Variants in HIKESHI observed in about 807,000 individuals in gnomAD.
The protein encoded by HIKESHI is heat shock protein nuclear import factor hikeshi.
HIKESHI carries 13 observed loss-of-function variants against 25.7 expected under a neutral mutation model. That is an observed-to-expected ratio of 0.51 (90% CI 0.33 to 0.80). The LOEUF (loss-of-function observed/expected upper bound fraction) is 0.80, where lower values mean the gene tolerates loss of function less well. Ranked by LOEUF, HIKESHI falls within the 30% of genes least tolerant of loss-of-function variation. HIKESHI has a pLI of 0.02. For missense variants in HIKESHI, 174 were observed against 229.5 expected (o/e 0.76, Z 1.56); for synonymous variants, 76 against 78.7 (o/e 0.97, Z 0.18).
chr11:86,335,169 A>G (rs1947520199), intron 2 of HIKESHI, among the ~76,000 whole-genome samples: 1 of 152,212 alleles, frequency 6.6e-6, no homozygotes, highest in Non-Finnish European at 1.5e-5. Context: ...AAGAATTGTA[A>G]TTAACTTGTT....
At chr11:86,306,141 A>G in intron 1 of HIKESHI, 104 bp from the exon 2 acceptor site, 3 of 741,096 alleles carry the variant, frequency 4.0e-6, no homozygotes, top group Non-Finnish European at 6.8e-6. Flanking sequence ...TTTGGTAGAA[A>G]GACTATAATG....
chr11:86,329,472 G>A (rs544579968), intron 2 of HIKESHI, among the ~76,000 whole-genome samples: 63 of 152,054 alleles, frequency 4.1e-4, no homozygotes, highest in African/African-American at 1.3e-3. Flanking sequence ...TCTTGTTAAA[G>A]TCCCTAATTA....
At chr11:86,327,565 T>C (rs1380222593) in intron 2 of HIKESHI, among the ~76,000 whole-genome samples, 2 of 152,154 alleles carry the variant, frequency 1.3e-5, no homozygotes, top group Non-Finnish European at 2.9e-5. Flanking sequence ...CCACTCGCCT[T>C]GGCCTCTCAA....
At chr11:86,337,018 T>C (rs2138407044) in intron 2 of HIKESHI, among the ~76,000 whole-genome samples, 1 of 152,208 alleles carries the variant, frequency 6.6e-6, no homozygotes, top group East Asian at 1.9e-4. Context: ...AATACTTTCC[T>C]AGATAAACAA....
chr11:86,329,391 G>T (rs537215296), intron 2 of HIKESHI, among the ~76,000 whole-genome samples: 1 of 151,978 alleles, frequency 6.6e-6, no homozygotes, highest in Non-Finnish European at 1.5e-5. Context: ...TAGTATTATA[G>T]AAGTACAATT....
At chr11:86,336,910 T>G (rs1947578702) in intron 2 of HIKESHI, among the ~76,000 whole-genome samples, 1 of 151,508 alleles carries the variant, frequency 6.6e-6, no homozygotes, top group African/African-American at 2.4e-5. Flanking sequence ...TTCTAGACGG[T>G]AGTGGATTGG....
At chr11:86,302,813 G>C (rs948700920) in intron 1 of HIKESHI, among the ~76,000 whole-genome samples, 2 of 152,152 alleles carry the variant, frequency 1.3e-5, no homozygotes, top group African/African-American at 4.8e-5. Flanking sequence ...TCGTGAGATG[G>C]TCTTTATCTT....
At chr11:86,307,814 ATTATGTGTAATATACATTATAT>A (rs1593805202) in intron 2 of HIKESHI, among the ~76,000 whole-genome samples, 2 of 121,794 alleles carry the variant, frequency 1.6e-5, no homozygotes, top group South Asian at 2.4e-4. Context: ...TAAAATATAT[ATTATGTGTAATATACATTATAT>A]AAATATATAT....
At chr11:86,313,263 C>T (rs1418902950) in intron 2 of HIKESHI, among the ~76,000 whole-genome samples, 2 of 152,056 alleles carry the variant, frequency 1.3e-5, no homozygotes, top group Non-Finnish European at 2.9e-5. Context: ...TGGAGTTTTG[C>T]TCTAGTTGCC....
At chr11:86,308,677 G>A (rs911533603) in intron 2 of HIKESHI, among the ~76,000 whole-genome samples, 10 of 151,266 alleles carry the variant, frequency 6.6e-5, no homozygotes, top group Admixed American at 2.0e-4. Context: ...CCGTTAACTC[G>A]TCATTTACAT....
rs377170018 is a variant in HIKESHI, at chr11:86,331,707, T to C, written c.269-5672T>C. Among the ~76,000 whole-genome samples the C allele has an allele frequency of 2.0e-5, 3 of 152,314 alleles. No individual in the cohort carries two copies. The South Asian group carries it at 6.2e-4, about 32-fold the overall frequency. On this transcript the variant is annotated intron_variant, in intron 2 of 4. Transcript: ENST00000278483. ...ACTATGGTATCAGATAAATTATATTTTTATCTAGTGTAAAATTACTGATAA... is the reference window on the plus strand; with the variant it reads ...ACTATGGTATCAGATAAATTATATTCTTATCTAGTGTAAAATTACTGATAA...
chr11:86,337,593 C>T, intron 3 of HIKESHI, 63 bp downstream of exon 3: 1 of 1,481,662 alleles, frequency 6.7e-7, no homozygotes, highest in Non-Finnish European at 9.1e-7. Context: ...GTATAATATA[C>T]AAGTTAAAAT....
At chr11:86,304,750 A>T (rs995047400) in intron 1 of HIKESHI, among the ~76,000 whole-genome samples, 2 of 152,146 alleles carry the variant, frequency 1.3e-5, no homozygotes, top group African/African-American at 4.8e-5. Flanking sequence ...TCCTGACCTC[A>T]GGTGATCAAC....
chr11:86,317,140 A>G (rs1215016440), intron 2 of HIKESHI, among the ~76,000 whole-genome samples: 1 of 152,122 alleles, frequency 6.6e-6, no homozygotes, highest in African/African-American at 2.4e-5. Context: ...AGCTTGCATA[A>G]GTATATGAAT....
intron 3 of HIKESHI, 131 bp from the exon 4 acceptor site, chr11:86,344,472 T>C: frequency 1.8e-6 from 1 of 549,848 alleles, no homozygotes; most frequent in Non-Finnish European, 3.1e-6. Flanking sequence ...CCAGCCAGCT[T>C]TCAGCATTAG....
intron 2 of HIKESHI, among the ~76,000 whole-genome samples, chr11:86,308,267 GTGTATTATATATAAAATA>G (rs1565720487): frequency 6.9e-5 from 4 of 57,826 alleles, no homozygotes; most frequent in African/African-American, 2.7e-4. Context: ...CATATAAAAT[GTGTATTATATATAAAATA>G]TATATTACAT....
intron 2 of HIKESHI, among the ~76,000 whole-genome samples, chr11:86,309,752 G>C (rs7928648): frequency 0.088 from 13,420 of 152,124 alleles, 907 homozygotes; most frequent in African/African-American, 0.18. Context: ...TTTGTATAAG[G>C]TATAAGAAAG....
intron 2 of HIKESHI, among the ~76,000 whole-genome samples, chr11:86,320,657 TGCAC>T (rs1251480137): frequency 6.6e-6 from 1 of 152,248 alleles, no homozygotes; most frequent in Non-Finnish European, 1.5e-5. Context: ...CACAGTTAAT[TGCAC>T]ATATTTGAAG....
At chr11:86,331,982 C>CTTTT (rs796831448) in intron 2 of HIKESHI, among the ~76,000 whole-genome samples, 2 of 129,544 alleles carry the variant, frequency 1.5e-5, no homozygotes, top group African/African-American at 5.6e-5. Flanking sequence ...GTTTTCTTTT[C>CTTTT]TTTTTTTTTT....
Sources: gnomAD v4.1 joint callset for allele counts (sites outside exome capture counted in the v4.1 genomes callset) on GRCh38, gnomAD v4.1.1 for gene constraint, MANE v1.5 for transcripts, NCBI Gene and HGNC (gene_info 2026-07-23, HGNC 2026-07-21) for gene names.